PIK3CG: variants seen among roughly 807,000 people sequenced by gnomAD.
PIK3CG encodes phosphatidylinositol-4,5-bisphosphate 3-kinase catalytic subunit gamma.
PIK3CG carries 55 observed loss-of-function variants against 102.3 expected under a neutral mutation model. That is an observed-to-expected ratio of 0.54 (90% confidence interval 0.43 to 0.67). The LOEUF is 0.67. Ranked by LOEUF, PIK3CG falls within the 30% of genes least tolerant of loss-of-function variation. The pLI is 0.00. For synonymous variants in PIK3CG, 552 were observed against 540.0 expected, an observed-to-expected ratio of 1.02 and a Z score of -0.31; for missense variants, 1,258 against 1,391.8, an observed-to-expected ratio of 0.90 and a Z score of 1.53.
chr7:106,882,144 G>C lies in PIK3CG; in HGVS notation c.2566G>C (p.Glu856Gln), dbSNP rs2116537436. 6.4e-7 allele frequency: 1 copy of C among 1,567,852 alleles called. No homozygotes were observed. Among genetic ancestry groups the C allele is most frequent in the African/African-American group, 1.4e-5 (1 of 72,950 alleles). The change falls in exon 7 of 11, where the codon GAG (glutamate) becomes CAG (glutamine). Residue 856 changes from glutamate (E) to glutamine (Q), a missense_variant. Physicochemically the swap from Glu to Gln is conservative, Grantham distance 29. This residue lies in a region of PIK3CG where 426 missense variants were observed against 604.2 expected (regional missense o/e 0.71). Coordinates refer to ENST00000496166, the MANE Select transcript of PIK3CG (RefSeq NM_001282426.2). ...TCTACGAATCATGGAGTCTATTTGG[G>C]AGACTGAATCTTTGGATCTATGCCT... ...QILRIMESIW[E>Q]TESLDLCLLP...
In PIK3CG at chr7:106,898,213, A is replaced by G. The variant is rs114038239; in HGVS notation, c.3031-6896A>G. On this transcript the variant is annotated intron_variant, in intron 10 of 10. Coordinates refer to ENST00000496166, the MANE Select transcript of PIK3CG (RefSeq NM_001282426.2). ...AAGTATCTGTTTGAGTCCTTTGCCC[A>G]CTTCTTAATGGGATTGTTTTTCTCT... 6.7e-3 allele frequency among the ~76,000 whole-genome samples: 1,014 copies of G among 152,192 alleles called. 19 individuals are homozygous for G. Among genetic ancestry groups the G allele is most frequent in the African/African-American group, 0.023 (952 of 41,536 alleles).
rs1324530603 is a variant in PIK3CG, at chr7:106,892,709, CA to C, written c.3030+6418del. Among the ~76,000 whole-genome samples the C allele has an allele frequency of 2.6e-5, 4 of 152,128 alleles. No homozygotes were observed. The highest frequency in any genetic ancestry group is 5.9e-5 in the Non-Finnish European group (4 of 68,032). On this transcript the variant is annotated intron_variant, in intron 10 of 10. Coordinates refer to ENST00000496166, the MANE Select transcript of PIK3CG (RefSeq NM_001282426.2). This position sits in a 1 kb window ranked among gnomAD's most constrained non-coding sequence, Gnocchi z 5.2. ...AGAAATACCTTGTGCTAAGAGTGTC[CA>C]CAGTGGTTTGCAGAGGGAGCAATTA...
chr7:106,875,133 G>A (rs546867583), intron 5 of PIK3CG, among the ~76,000 whole-genome samples: 4 of 152,172 alleles, frequency 2.6e-5, no homozygotes, highest in African/African-American at 7.2e-5. Flanking sequence ...GGCAGATCAC[G>A]AGGTCAGGAG....
In PIK3CG at chr7:106,867,795, G is replaced by C. The variant is rs760275722; in HGVS notation, c.234G>C (p.Ala78=). The C allele has an allele frequency of 6.2e-7, 1 of 1,612,608 alleles. No homozygotes were observed. Among genetic ancestry groups the C allele is most frequent in the Non-Finnish European group, 8.5e-7 (1 of 1,179,932 alleles). The change falls in exon 2 of 11, where the codon GCG becomes GCC. Residue 78 remains alanine (A), a synonymous_variant. Transcript: ENST00000496166. This position sits in a 1 kb window ranked among gnomAD's most constrained non-coding sequence, Gnocchi z 5.1. ...TGAAGGCCCAGGTGTGGCTGCGAGC[G>C]CTGGAGACCAGCGTGGCGGCGGACT... is the stretch of plus-strand genomic sequence containing the variant. ...EQMKAQVWLR[A]LETSVAADFY... is the part of the protein sequence containing the mutation.
chr7:106,891,548 G>A lies in PIK3CG; in HGVS notation c.3030+5256G>A, dbSNP rs1357293563. On this transcript the variant is annotated intron_variant, in intron 10 of 10. Coordinates refer to ENST00000496166, the MANE Select transcript of PIK3CG (RefSeq NM_001282426.2). This position sits in a 1 kb window ranked among gnomAD's most constrained non-coding sequence, Gnocchi z 4.4. ...TACACATAGTGTACATTCAATACAG[G>A]ACAGTGGATAAAGGGCAGGAACAAC... 1.3e-5 allele frequency among the ~76,000 whole-genome samples: 2 copies of A among 152,112 alleles called. No individual in the cohort carries two copies. Among genetic ancestry groups the A allele is most frequent in the African/African-American group, 4.8e-5 (2 of 41,388 alleles).
At chr7:106,871,378 T>C (rs1189542275) in intron 2 of PIK3CG, among the ~76,000 whole-genome samples, 1 of 152,232 alleles carries the variant, frequency 6.6e-6, no homozygotes, top group Non-Finnish European at 1.5e-5. Context: ...TATTTGACCA[T>C]ACTTTTGAAA....
Position 106,905,404 on chromosome 7 carries a change from CA to C in PIK3CG, c.*22del. 1 of 1,599,476 alleles carries C rather than the reference CA, an allele frequency of 6.3e-7. No homozygotes were observed. The highest frequency in any genetic ancestry group is 1.1e-5 in the South Asian group (1 of 89,142). On this transcript the variant is annotated 3_prime_UTR_variant, in exon 11 of 11. Transcript: ENST00000496166. The surrounding 1 kb of genome is among the most constrained non-coding windows in gnomAD (Gnocchi z 5.6). ...TCAGCCTAATACTTTAGGCTAGAAT[CA>C]AAAACAAGTTAGTGTTCTATGGTTT...
chr7:106,881,662 C>T (rs945276026), intron 6 of PIK3CG, among the ~76,000 whole-genome samples: 1 of 152,218 alleles, frequency 6.6e-6, no homozygotes, highest in Non-Finnish European at 1.5e-5. Context: ...GCCTGGCCAA[C>T]ATGGTGAAAC....
Position 106,883,966 on chromosome 7 carries a change from T to G in PIK3CG, c.2761-189T>G, listed in dbSNP as rs849398. Among the ~76,000 whole-genome samples the G allele has an allele frequency of 0.099, 15,088 of 152,254 alleles. 782 individuals are homozygous for G. The highest frequency in any genetic ancestry group is 0.14 in the Middle Eastern group (40 of 294). ...TCATGCCATTGTGATTCACTGAATC[T>G]TCACCTAAAATATAAGCAGAGCAAT... is the stretch of plus-strand genomic sequence containing the variant. On this transcript the variant is annotated intron_variant, in intron 8 of 10. Coordinates refer to ENST00000496166, the MANE Select transcript of PIK3CG (RefSeq NM_001282426.2). The surrounding 1 kb of genome is among the most constrained non-coding windows in gnomAD (Gnocchi z 5.8).
At position 106,869,191 on chromosome 7, in the gene PIK3CG, C is replaced by G. The variant is rs867282260; in HGVS notation, c.1630C>G (p.Arg544Gly). 1.9e-6 allele frequency: 3 copies of G among 1,614,202 alleles called. No homozygotes were observed. Among genetic ancestry groups the G allele is most frequent in the Non-Finnish European group, 8.5e-7 (1 of 1,180,046 alleles). The change falls in exon 2 of 11, where the codon CGA becomes GGA. Residue 544 changes from arginine to glycine, a missense_variant. Physicochemically the swap from Arg to Gly is moderately radical, Grantham distance 125. Coordinates refer to ENST00000496166, the MANE Select transcript of PIK3CG (RefSeq NM_001282426.2). This position sits in a 1 kb window ranked among gnomAD's most constrained non-coding sequence, Gnocchi z 5.3. The stretch of plus-strand genomic sequence containing the variant: ...CCCTGACCCGGAAGGGGACCGGGTT[C>G]GAGCAGAAATGCCCAACCAGCTTCG... Reference protein sequence around the residue: ...PTPDPEGDRVRAEMPNQLRKQ... With the variant: ...PTPDPEGDRVGAEMPNQLRKQ...
chr7:106,898,272 A>C (rs769469421), intron 10 of PIK3CG, among the ~76,000 whole-genome samples: 16 of 152,088 alleles, frequency 1.1e-4, no homozygotes, highest in Non-Finnish European at 2.2e-4. Flanking sequence ...TAGATGCTGG[A>C]TATTAGACCT....
chr7:106,868,778 A>G lies in PIK3CG; in HGVS notation c.1217A>G (p.Glu406Gly). 6.2e-7 allele frequency: 1 copy of G among 1,614,202 alleles called. No individual in the cohort carries two copies. Residue 406 changes from glutamate to glycine, a missense_variant, in exon 2 of 11, where the codon GAG (glutamate) becomes GGG (glycine). Glu to Gly is a moderately conservative substitution (Grantham distance 98). This residue lies in a region of PIK3CG where 832 missense variants were observed against 787.5 expected (regional missense o/e 1.06). Transcript: ENST00000496166. This position sits in a 1 kb window ranked among gnomAD's most constrained non-coding sequence, Gnocchi z 6.2. ...QRRTSPKPFT[E>G]EVLWNVWLEF... The stretch of plus-strand genomic sequence containing the variant: ...AGAACCAGCCCCAAACCCTTCACAG[A>G]GGAGGTGCTGTGGAATGTGTGGCTT...
At position 106,884,651 on chromosome 7, in the gene PIK3CG, G is replaced by A. The variant is rs576993490; in HGVS notation, c.2872+385G>A. On this transcript the variant is annotated intron_variant, in intron 9 of 10. Transcript: ENST00000496166. The surrounding 1 kb of genome is among the most constrained non-coding windows in gnomAD (Gnocchi z 4.2). ...AGACACCTTTTCCACGGACAGGGGT[G>A]GGGGAGCAAGGATGGTTTCAGGATC... Among the ~76,000 whole-genome samples, 2 of 152,192 alleles carry A rather than the reference G, an allele frequency of 1.3e-5. No individual in the cohort carries two copies. Among genetic ancestry groups the A allele is most frequent in the Non-Finnish European group, 2.9e-5 (2 of 68,032 alleles).
chr7:106,901,484 C>T (rs927235875), intron 10 of PIK3CG, among the ~76,000 whole-genome samples: 1 of 152,076 alleles, frequency 6.6e-6, no homozygotes, highest in African/African-American at 2.4e-5. Flanking sequence ...TCTTATTTTC[C>T]TTGGATTGGG....
intron 1 of PIK3CG, among the ~76,000 whole-genome samples, chr7:106,866,567 G>A (rs942720692): frequency 2.6e-5 from 4 of 152,162 alleles, no homozygotes; most frequent in African/African-American, 9.7e-5. Flanking sequence ...CAGAAATCCT[G>A]CCTTCCATCC....
rs1410689280 is a variant in PIK3CG, at chr7:106,877,913, T to G, written c.2392-1606T>G. Among the ~76,000 whole-genome samples the G allele has an allele frequency of 1.3e-5, 2 of 152,248 alleles. No homozygotes were observed. The highest frequency in any genetic ancestry group is 2.9e-5 in the Non-Finnish European group (2 of 68,048). On this transcript the variant is annotated intron_variant, in intron 5 of 10. Transcript: ENST00000496166. The surrounding 1 kb of genome is among the most constrained non-coding windows in gnomAD (Gnocchi z 4.5). Reference sequence around the variant, plus strand: ...TGTTATAAATGGCACAATAAGTTACTATTTTTGCCCTAAACAGTTAAAAAA... The same window carrying G: ...TGTTATAAATGGCACAATAAGTTACGATTTTTGCCCTAAACAGTTAAAAAA...
At position 106,906,961 on chromosome 7, in the gene PIK3CG, T is replaced by TA. The variant is rs78567555; in HGVS notation, c.*1584dup. On this transcript the variant is annotated 3_prime_UTR_variant, in exon 11 of 11. Coordinates refer to ENST00000496166, the MANE Select transcript of PIK3CG (RefSeq NM_001282426.2). ...GGCAACACAGTGAGACTCCATCTCT[T>TA]AAAAAAAAAATTAGCTGGGTATAGT... is the stretch of plus-strand genomic sequence containing the variant. 257 of 210,692 alleles carry TA rather than the reference T, an allele frequency of 1.2e-3. No homozygotes were observed. The highest frequency in any genetic ancestry group is 1.7e-3 in the Non-Finnish European group (182 of 105,128). The allele number at this position is 210,692 out of a possible 1,614,324, so 13.1% of individuals were successfully genotyped here. A position where few individuals can be genotyped will look rare whatever the true frequency, so the allele number is the denominator to read the frequency against.
rs1790461302 is a variant in PIK3CG, at chr7:106,869,599, A to G, written c.1995+43A>G. 6.7e-7 allele frequency: 1 copy of G among 1,481,958 alleles called. No individual in the cohort carries two copies. The highest frequency in any genetic ancestry group is 9.1e-7 in the Non-Finnish European group (1 of 1,097,918). The allele number at this position is 1,481,958 out of a possible 1,614,324, so 91.8% of individuals were successfully genotyped here. A position where few individuals can be genotyped will look rare whatever the true frequency, so the allele number is the denominator to read the frequency against. On this transcript the variant is annotated intron_variant, in intron 2 of 10. Coordinates refer to ENST00000496166, the MANE Select transcript of PIK3CG (RefSeq NM_001282426.2). The surrounding 1 kb of genome is among the most constrained non-coding windows in gnomAD (Gnocchi z 5.3). ...TATCAATGGAAGCCTTCTCAAAAGG[A>G]ATTGATTTGCATATGCACAGGCACT... is the stretch of plus-strand genomic sequence containing the variant.
intron 9 of PIK3CG, 138 bp from the exon 10 acceptor site, chr7:106,885,997 A>G: frequency 1.3e-6 from 1 of 766,434 alleles, no homozygotes; most frequent in African/African-American, 1.7e-5. Flanking sequence ...TGCTAAGACG[A>G]AAAATATCAC....
Sources: allele counts gnomAD v4.1 joint callset (sites outside exome capture counted in the v4.1 genomes callset), GRCh38; gene constraint gnomAD v4.1.1; regional missense constraint gnomAD v4.1.1; non-coding constraint Gnocchi (gnomAD v3.1); transcripts MANE v1.5; gene names NCBI Gene and HGNC (gene_info 2026-07-23, HGNC 2026-07-21).